NTAQ1: variants seen among roughly 807,000 people sequenced by gnomAD.
NTAQ1 encodes N-terminal glutamine amidase 1, also known as protein N-terminal glutamine amidohydrolase.
A neutral mutation model predicts 28.2 loss-of-function variants in NTAQ1; 21 were observed. The ratio of observed to expected loss-of-function variants is 0.74; its 90% CI spans 0.53 to 1.07. NTAQ1 has a LOEUF of 1.07. NTAQ1 is among the 50% of genes least tolerant of loss of function. NTAQ1 has a pLI of 0.00. For synonymous variants in NTAQ1, 105 were observed against 90.0 expected, an observed-to-expected ratio of 1.17 and a Z score of -0.94; for missense variants, 264 against 256.6, an observed-to-expected ratio of 1.03 and a Z score of -0.20.
rs1029395272 is a variant in NTAQ1, at chr8:123,421,901, G to A, written c.83+4969G>A. Among the ~76,000 whole-genome samples the A allele has an allele frequency of 2.0e-4, 30 of 151,944 alleles. 1 individual carries two copies. The highest frequency in any genetic ancestry group is 6.0e-4 in the African/African-American group (25 of 41,484). ...TAGAGACAGGGTTTCACCGTGGTCT[G>A]GATCTCCTGACCTCGTGATCCGCCT... On this transcript the variant is annotated intron_variant, in intron 1 of 5. Coordinates refer to ENST00000287387, the MANE Select transcript of NTAQ1 (RefSeq NM_018024.3).
At chr8:123,463,190 A>C (rs1815879624) in intron 6 of NTAQ1, among the ~76,000 whole-genome samples, 2 of 152,234 alleles carry the variant, frequency 1.3e-5, no homozygotes, top group South Asian at 2.1e-4. Flanking sequence ...ATACTTCAGA[A>C]GGATTTCCTA....
chr8:123,446,252 C>G (rs913786720), downstream of NTAQ1, among the ~76,000 whole-genome samples: 3 of 150,684 alleles, frequency 2.0e-5, no homozygotes, highest in Non-Finnish European at 4.4e-5. Context: ...TGATTCCCCC[C>G]ACCTCAGCCT....
intron 5 of NTAQ1, among the ~76,000 whole-genome samples, chr8:123,437,658 G>A (rs188062496): frequency 7.1e-4 from 107 of 151,430 alleles, no homozygotes; most frequent in African/African-American, 2.3e-3. Context: ...AGCTGAGATC[G>A]GGCCACTGCA....
At chr8:123,473,362 C>G (rs904466627), downstream of NTAQ1, among the ~76,000 whole-genome samples, 4 of 149,144 alleles carry the variant, frequency 2.7e-5, no homozygotes, top group Admixed American at 2.7e-4. Context: ...GTGGCGCGAT[C>G]TTGGCTCACT....
chr8:123,466,112 G>C (rs991203758), intron 6 of NTAQ1, among the ~76,000 whole-genome samples: 1 of 152,178 alleles, frequency 6.6e-6, no homozygotes, highest in Non-Finnish European at 1.5e-5. Flanking sequence ...GGCAATAGCA[G>C]CTGGAATGGA....
At chr8:123,420,137 C>T (rs1425891306) in intron 1 of NTAQ1, among the ~76,000 whole-genome samples, 1 of 152,084 alleles carries the variant, frequency 6.6e-6, no homozygotes, top group African/African-American at 2.4e-5. Context: ...CAAGGTTTAG[C>T]TCCCACTTAT....
downstream of NTAQ1, among the ~76,000 whole-genome samples, chr8:123,442,413 C>T (rs757634578): frequency 1.3e-4 from 20 of 151,730 alleles, no homozygotes; most frequent in Admixed American, 2.0e-4. Flanking sequence ...GCTTGGCCAA[C>T]GTGGTGAAAC....
At chr8:123,425,984 A>T (rs1278829653) in intron 1 of NTAQ1, among the ~76,000 whole-genome samples, 1 of 152,166 alleles carries the variant, frequency 6.6e-6, no homozygotes, top group Non-Finnish European at 1.5e-5. Flanking sequence ...AGATTGTGTC[A>T]CTGCACTCCA....
At chr8:123,442,736 T>A (rs982513683), downstream of NTAQ1, among the ~76,000 whole-genome samples, 17 of 151,824 alleles carry the variant, frequency 1.1e-4, no homozygotes, top group African/African-American at 3.6e-4. Context: ...CGGCACGATC[T>A]CGGCTCACTG....
chr8:123,429,114 TG>T (rs1814243369), intron 2 of NTAQ1, among the ~76,000 whole-genome samples: 1 of 152,202 alleles, frequency 6.6e-6, no homozygotes, highest in Non-Finnish European at 1.5e-5. Context: ...ATGGAAGCCC[TG>T]TGAAGCAGGC....
At chr8:123,457,959 G>A (rs1316582329) in intron 6 of NTAQ1, among the ~76,000 whole-genome samples, 3 of 150,950 alleles carry the variant, frequency 2.0e-5, no homozygotes, top group Admixed American at 1.3e-4. Context: ...GCTTGAACCC[G>A]GGAGGTGGAG....
chr8:123,436,501 A>T lies in NTAQ1; in HGVS notation c.283A>T (p.Ile95Phe). 6.2e-7 allele frequency: 1 copy of T among 1,613,994 alleles called. No individual in the cohort carries two copies. The highest frequency in any genetic ancestry group is 8.5e-7 in the Non-Finnish European group (1 of 1,179,928). Residue 95 changes from isoleucine (I) to phenylalanine (F), a missense_variant, in exon 4 of 6, where the codon ATT becomes TTT. Coordinates refer to ENST00000287387, the MANE Select transcript of NTAQ1 (RefSeq NM_018024.3). ...TGTTTCAAGTGGAGGACAGAACTTC[A>T]TTTATGATCTCGATACTGTCTTGCC... ...LHVSSGGQNF[I>F]YDLDTVLPFP...
chr8:123,420,875 C>T (rs946227743), intron 1 of NTAQ1, among the ~76,000 whole-genome samples: 36 of 149,284 alleles, frequency 2.4e-4, no homozygotes, highest in African/African-American at 8.6e-4. Flanking sequence ...CTGCAACCTC[C>T]GCCTCCTGGG....
chr8:123,417,733 A>G (rs1813390338), intron 1 of NTAQ1, among the ~76,000 whole-genome samples: 1 of 152,142 alleles, frequency 6.6e-6, no homozygotes, highest in African/African-American at 2.4e-5. Context: ...AATGCCACCA[A>G]GAGCTTAACA....
the NTAQ1 span, among the ~76,000 whole-genome samples, chr8:123,475,296 G>GTAC: frequency 6.6e-6 from 1 of 151,952 alleles, no homozygotes; most frequent in Non-Finnish European, 1.5e-5. Context: ...GGCTCATCTT[G>GTAC]TACTTTCTTT....
intron 1 of NTAQ1, among the ~76,000 whole-genome samples, chr8:123,419,695 G>A (rs1813545660): frequency 6.6e-6 from 1 of 150,478 alleles, no homozygotes; most frequent in Admixed American, 6.7e-5. Context: ...CCTTTCTGCT[G>A]CCAAGATGAT....
intron 3 of NTAQ1, among the ~76,000 whole-genome samples, chr8:123,433,925 A>T (rs1458190901): frequency 6.7e-6 from 1 of 148,858 alleles, no homozygotes; most frequent in African/African-American, 2.5e-5. Flanking sequence ...TTTTTTTGTG[A>T]TTTTTTTTTT....
intron 6 of NTAQ1, among the ~76,000 whole-genome samples, chr8:123,457,617 T>G (rs529692976): frequency 5.9e-5 from 9 of 152,294 alleles, no homozygotes; most frequent in East Asian, 3.9e-4. Context: ...AGTACCAAAT[T>G]GGTAATATTG....
intron 3 of NTAQ1, among the ~76,000 whole-genome samples, chr8:123,434,261 T>C (rs1278444909): frequency 6.6e-6 from 1 of 152,156 alleles, no homozygotes; most frequent in Non-Finnish European, 1.5e-5. Flanking sequence ...TGAGAACTTA[T>C]CTTTTTCATC....
Sources: allele counts gnomAD v4.1 joint callset (sites outside exome capture counted in the v4.1 genomes callset), GRCh38; gene constraint gnomAD v4.1.1; transcripts MANE v1.5; gene names NCBI Gene and HGNC (gene_info 2026-07-23, HGNC 2026-07-21).